Variants in TRAF3 observed in about 807,000 individuals in gnomAD.
TRAF3 encodes TNF receptor associated factor 3.
A neutral mutation model predicts 62.3 loss-of-function variants in TRAF3; 13 were observed. That is an observed-to-expected ratio of 0.21 (90% CI 0.14 to 0.33). The LOEUF is 0.33. Ranked by LOEUF, TRAF3 falls within the 10% of genes least tolerant of loss-of-function variation. The pLI is 1.00. For synonymous variants in TRAF3, 269 were observed against 283.4 expected, an observed-to-expected ratio of 0.95 and a Z score of 0.51; for missense variants, 440 against 741.8, an observed-to-expected ratio of 0.59 and a Z score of 4.73.
Position 102,903,967 on chromosome 14 carries a change from T to G in TRAF3, c.1135+538T>G. The G allele has an allele frequency of 2.7e-6, 1 of 369,898 alleles. No individual in the cohort carries two copies. The highest frequency in any genetic ancestry group is 2.0e-5 in the South Asian group (1 of 50,640). The allele number at this position is 369,898 out of a possible 1,614,324, so 22.9% of individuals were successfully genotyped here. A position where few individuals can be genotyped will look rare whatever the true frequency, so the allele number is the denominator to read the frequency against. On this transcript the variant is annotated intron_variant, in intron 11 of 11. Transcript: ENST00000392745. The surrounding 1 kb of genome is among the most constrained non-coding windows in gnomAD (Gnocchi z 6.4). ...TTACCGGTGTGTGTGTGGGGCCGGA[T>G]GAAGCAGGCAGAGAATGAGGTTGGA...
rs144371440 is a variant in TRAF3, at chr14:102,883,398, T to C, written c.571-2791T>C. On this transcript the variant is annotated intron_variant, in intron 6 of 11. Coordinates refer to ENST00000392745, the MANE Select transcript of TRAF3 (RefSeq NM_145725.3). ...GAAACAGTGTTTCATTTGGCACACA[T>C]ATGTATAGTGAAACCTTTTTAGAGG... is the stretch of plus-strand genomic sequence containing the variant. Among the ~76,000 whole-genome samples, 171 of 152,218 alleles carry C rather than the reference T, an allele frequency of 1.1e-3. 2 individuals carry two copies. Among genetic ancestry groups the C allele is most frequent in the Middle Eastern group, 6.8e-3 (2 of 294 alleles).
chr14:102,792,113 CTTTTTTTTTTTTTT>C (rs35895214), intron 1 of TRAF3, among the ~76,000 whole-genome samples: 2 of 97,702 alleles, frequency 2.0e-5, no homozygotes, highest in South Asian at 3.3e-4. Flanking sequence ...TGTGCCTGGA[CTTTTTTTTTTTTTT>C]TTTTTTTTTT....
chr14:102,861,642 G>C (rs1220407625), intron 2 of TRAF3, among the ~76,000 whole-genome samples: 1 of 152,164 alleles, frequency 6.6e-6, no homozygotes, highest in Non-Finnish European at 1.5e-5. Context: ...TTACCGGAAA[G>C]GGGTCCCAAT....
At chr14:102,900,024 A>C (rs948006333) in intron 10 of TRAF3, among the ~76,000 whole-genome samples, 1 of 150,970 alleles carries the variant, frequency 6.6e-6, no homozygotes, top group African/African-American at 2.4e-5. Context: ...CTAAAAATAC[A>C]AAAAATTAGC....
At position 102,889,566 on chromosome 14, in the gene TRAF3, G is replaced by A; in HGVS notation, c.658G>A (p.Ala220Thr). 1 of 1,614,180 alleles carries A rather than the reference G, an allele frequency of 6.2e-7. No individual in the cohort carries two copies. Among genetic ancestry groups the A allele is most frequent in the South Asian group, 1.1e-5 (1 of 91,088 alleles). ...CGTCTCTTTCCCGTTGCAGTTGAGT[G>A]CACACTTGTCAGAGTGTGTCAATGC... is the stretch of plus-strand genomic sequence containing the variant. ...VQTLLRSELS[A>T]HLSECVNAPS... The change falls in exon 8 of 12, where the codon GCA becomes ACA. Residue 220 changes from alanine (A) to threonine (T), a missense_variant. Transcript: ENST00000392745.
At chr14:102,855,387 T>A (rs1887301573) in intron 2 of TRAF3, among the ~76,000 whole-genome samples, 1 of 152,194 alleles carries the variant, frequency 6.6e-6, no homozygotes, top group South Asian at 2.1e-4. Context: ...ATGTTTTAAC[T>A]TTTTGAGGAA....
intron 1 of TRAF3, among the ~76,000 whole-genome samples, chr14:102,801,066 T>C (rs3993347): frequency 0.51 from 77,491 of 151,938 alleles, 22,540 homozygotes; most frequent in South Asian, 0.74. Flanking sequence ...CTCGGGAGGC[T>C]GAGGCAGGAG....
chr14:102,858,234 C>G (rs113018872), intron 2 of TRAF3, among the ~76,000 whole-genome samples: 42 of 152,128 alleles, frequency 2.8e-4, no homozygotes, highest in African/African-American at 1.0e-3. Flanking sequence ...TCACTGCAAC[C>G]TCTGCCTCCT....
chr14:102,889,491 T>C, intron 7 of TRAF3, 69 bp from the exon 8 acceptor site: 1 of 1,441,698 alleles, frequency 6.9e-7, no homozygotes. Flanking sequence ...ATGCTATCTG[T>C]GCCCTAATAT....
At position 102,820,133 on chromosome 14, in the gene TRAF3, G is replaced by C. The variant is rs574460682; in HGVS notation, c.-156-10201G>C. On this transcript the variant is annotated intron_variant, in intron 1 of 11. Transcript: ENST00000392745. ...CCTGTCATCTCCCCCTTTCCTTTGC[G>C]AGCGTCCTCTACAGGTGCGGTTTCA... is the stretch of plus-strand genomic sequence containing the variant. Among the ~76,000 whole-genome samples the C allele has an allele frequency of 3.3e-5, 5 of 152,250 alleles. No individual in the cohort carries two copies. In the East Asian group the frequency reaches 7.7e-4, roughly 24 times the overall value.
intron 1 of TRAF3, among the ~76,000 whole-genome samples, chr14:102,799,530 A>T (rs12433126): frequency 0.21 from 31,213 of 152,038 alleles, 3,538 homozygotes; most frequent in East Asian, 0.38. Context: ...TGCTCGCTGC[A>T]ACCTCCGTCT....
At chr14:102,837,050 G>C (rs1886053808) in intron 2 of TRAF3, among the ~76,000 whole-genome samples, 1 of 151,424 alleles carries the variant, frequency 6.6e-6, no homozygotes, top group East Asian at 1.9e-4. Context: ...GGATGATACT[G>C]TTCAAAAGTA....
chr14:102,843,406 C>T (rs4553557), intron 2 of TRAF3, among the ~76,000 whole-genome samples: 35,395 of 150,954 alleles, frequency 0.23, 4,573 homozygotes, highest in East Asian at 0.39. Flanking sequence ...GGTGTGATCT[C>T]GGCTCACTGC....
chr14:102,871,309 T>TG (rs1282161031), intron 3 of TRAF3, among the ~76,000 whole-genome samples: 1 of 152,196 alleles, frequency 6.6e-6, no homozygotes, highest in Non-Finnish European at 1.5e-5. Flanking sequence ...TTTGCCCACT[T>TG]GGGGGCAAAA....
chr14:102,841,177 T>C (rs914179205), intron 2 of TRAF3, among the ~76,000 whole-genome samples: 1 of 152,136 alleles, frequency 6.6e-6, no homozygotes, highest in African/African-American at 2.4e-5. Flanking sequence ...AAAGTGATGA[T>C]ACAGGAGAAA....
chr14:102,781,530 C>A (rs191964943), intron 1 of TRAF3, among the ~76,000 whole-genome samples: 4 of 152,142 alleles, frequency 2.6e-5, no homozygotes, highest in Non-Finnish European at 5.9e-5. Context: ...GCCTGGCATG[C>A]GCACCTGTGG....
intron 2 of TRAF3, among the ~76,000 whole-genome samples, chr14:102,832,976 C>A (rs1885740336): frequency 6.6e-6 from 1 of 152,196 alleles, no homozygotes; most frequent in Non-Finnish European, 1.5e-5. Context: ...ACTTATCTTT[C>A]AGATTATAGC....
At chr14:102,811,365 C>A (rs1367882362) in intron 1 of TRAF3, among the ~76,000 whole-genome samples, 1 of 146,784 alleles carries the variant, frequency 6.8e-6, no homozygotes, top group Non-Finnish European at 1.5e-5. Flanking sequence ...AGTGGCTATT[C>A]ACAGGTGCTG....
At chr14:102,880,365 A>G (rs1175081530) in intron 6 of TRAF3, among the ~76,000 whole-genome samples, 4 of 152,252 alleles carry the variant, frequency 2.6e-5, no homozygotes, top group South Asian at 4.1e-4. Flanking sequence ...AATGAGACAC[A>G]TGCCTAATTA....
Sources: gnomAD v4.1 joint callset for allele counts (sites outside exome capture counted in the v4.1 genomes callset) on GRCh38, gnomAD v4.1.1 for gene constraint, Gnocchi (gnomAD v3.1) non-coding constraint, MANE v1.5 for transcripts, NCBI Gene and HGNC (gene_info 2026-07-23, HGNC 2026-07-21) for gene names.